The following HYDIN variants were observed in gnomAD, a reference collection of about 807,000 sequenced individuals.
HYDIN encodes the protein axonemal central pair apparatus protein HYDIN.
HYDIN carries 132 observed loss-of-function variants against 403.9 expected under a neutral mutation model. The ratio of observed to expected loss-of-function variants is 0.33; its 90% CI spans 0.28 to 0.38. HYDIN has a LOEUF of 0.38. HYDIN is among the 10% of genes least tolerant of loss of function. HYDIN has a pLI of 1.00. For synonymous variants in HYDIN, 1,202 were observed against 1,891.7 expected (o/e 0.64, Z 9.46); for missense variants, 2,827 against 5,009.5 (o/e 0.56, Z 13.15).
chr16:71,208,056 A>G (rs1370252197), intron 1 of HYDIN, among the ~76,000 whole-genome samples: 1 of 152,192 alleles, frequency 6.6e-6, no homozygotes, highest in African/African-American at 2.4e-5. Context: ...ACTCAACACT[A>G]GATCAAATGG....
At chr16:71,135,092 G>T (rs2084864141) in intron 8 of HYDIN, among the ~76,000 whole-genome samples, 1 of 151,978 alleles carries the variant, frequency 6.6e-6, no homozygotes, top group South Asian at 2.1e-4. Context: ...AAGTCTATTA[G>T]TTAAAAGAGG....
intron 9 of HYDIN, among the ~76,000 whole-genome samples, chr16:71,122,435 T>C (rs950705298): frequency 2.3e-5 from 2 of 88,498 alleles, no homozygotes; most frequent in East Asian, 6.2e-4. Context: ...CAAGGCCAGT[T>C]TGCTCTCAGC....
chr16:71,141,411 G>C (rs1388431476), intron 7 of HYDIN, among the ~76,000 whole-genome samples: 7 of 151,430 alleles, frequency 4.6e-5, no homozygotes, highest in Non-Finnish European at 8.8e-5. Context: ...CTTTAGAGAG[G>C]GAAAAGTTTC....
chr16:71,021,954 G>A (rs932328543), intron 21 of HYDIN, among the ~76,000 whole-genome samples: 2 of 151,946 alleles, frequency 1.3e-5, no homozygotes, highest in African/African-American at 2.4e-5. Context: ...GTCTCCCTGT[G>A]CACTCCCAGG....
chr16:71,146,122 T>C (rs1307703865), intron 7 of HYDIN, among the ~76,000 whole-genome samples: 1 of 152,160 alleles, frequency 6.6e-6, no homozygotes, highest in Non-Finnish European at 1.5e-5. Context: ...AAGAATGAGA[T>C]AAAGATGAAA....
chr16:70,846,880 T>A lies in HYDIN; in HGVS notation c.12873+2846A>T, dbSNP rs1232903792. 3.8e-3 allele frequency among the ~76,000 whole-genome samples: 454 copies of A among 119,370 alleles called. 2 individuals are homozygous for A. Among genetic ancestry groups the A allele is most frequent in the Non-Finnish European group, 5.8e-3 (336 of 57,774 alleles). 78.3% of individuals were successfully genotyped at this position (119,370 alleles called of 152,430 possible). The stretch of plus-strand genomic sequence containing the variant: ...GGATTGCAACCCCTGCCTTTTTTTG[T>A]TTTCCATTGGCTTGGTAGATCTTCC... On this transcript the variant is annotated intron_variant, in intron 75 of 85. Transcript: ENST00000393567.
Position 70,868,731 on chromosome 16 carries a change from C to T in HYDIN, c.11149G>A (p.Val3717Ile). The T allele has an allele frequency of 1.2e-6, 2 of 1,613,998 alleles. No individual in the cohort carries two copies. Among genetic ancestry groups the T allele is most frequent in the Non-Finnish European group, 1.7e-6 (2 of 1,179,996 alleles). ...CGCATATTCTTTAGGTTGATGGGTA[C>T]ATCTGACTTCATGGTCACCACTATG... ...KDIVVTMKSD[V>I]PINLKNMRIR... Residue 3717 changes from valine to isoleucine, a missense_variant, in exon 66 of 86, where the codon GTA becomes ATA. Transcript: ENST00000393567.
chr16:70,989,042 C>A (rs1293376503), intron 25 of HYDIN, among the ~76,000 whole-genome samples: 4 of 151,952 alleles, frequency 2.6e-5, no homozygotes, highest in Non-Finnish European at 4.4e-5. Flanking sequence ...TATATGTACA[C>A]ACATGTACAT....
At chr16:70,835,259 G>A (rs1212655087) in intron 78 of HYDIN, among the ~76,000 whole-genome samples, 1 of 151,910 alleles carries the variant, frequency 6.6e-6, no homozygotes, top group Non-Finnish European at 1.5e-5. Context: ...GCCTCCCAAA[G>A]TGTTGGGATT....
chr16:70,878,786 A>G lies in HYDIN; in HGVS notation c.10557+511T>C, dbSNP rs1425174437. ...TGAGCCCTGTTCAAACGTCATTTAC[A>G]GTGAATTTTCCCTTCATTGTCTAGA... is the stretch of plus-strand genomic sequence containing the variant. On this transcript the variant is annotated intron_variant, in intron 62 of 85. Transcript: ENST00000393567. Among the ~76,000 whole-genome samples, 3 of 139,550 alleles carry G rather than the reference A, an allele frequency of 2.1e-5. No homozygotes were observed. In the East Asian group the frequency reaches 6.2e-4, roughly 29 times the overall value. 91.6% of individuals were successfully genotyped at this position (139,550 alleles called of 152,430 possible).
chr16:70,882,963 T>G, intron 59 of HYDIN, 68 bp from the exon 60 acceptor site: 1 of 1,267,094 alleles, frequency 7.9e-7, no homozygotes, highest in South Asian at 1.2e-5. Flanking sequence ...GATTCCTAAT[T>G]TGGAACTCTG....
intron 45 of HYDIN, among the ~76,000 whole-genome samples, chr16:70,932,566 C>T (rs1312050993): frequency 6.6e-6 from 1 of 150,574 alleles, no homozygotes; most frequent in Non-Finnish European, 1.5e-5. Context: ...GCTAAGAAGA[C>T]AGGGAAGGGG....
At chr16:70,908,573 C>T (rs1437521617) in intron 48 of HYDIN, 80 bp downstream of exon 48, 40 of 1,504,298 alleles carry the variant, frequency 2.7e-5, no homozygotes, top group Non-Finnish European at 3.3e-5. Context: ...CAGCTCTGTT[C>T]CCCTCCAGTG....
chr16:70,981,693 G>T, intron 28 of HYDIN, 125 bp from the exon 29 acceptor site: 3 of 1,344,730 alleles, frequency 2.2e-6, no homozygotes, highest in Non-Finnish European at 2.9e-6. Flanking sequence ...AAAGGAGTAA[G>T]AGATTTAATG....
At chr16:71,174,133 C>G (rs2086572033) in intron 5 of HYDIN, among the ~76,000 whole-genome samples, 1 of 152,054 alleles carries the variant, frequency 6.6e-6, no homozygotes, top group South Asian at 2.1e-4. Flanking sequence ...TTCAGTAGAA[C>G]CTCAAACAAA....
At chr16:70,927,905 G>C (rs112904817) in intron 45 of HYDIN, among the ~76,000 whole-genome samples, 3 of 151,348 alleles carry the variant, frequency 2.0e-5, no homozygotes, top group African/African-American at 7.3e-5. Flanking sequence ...AAGACATTTC[G>C]GACAAGCAAA....
At chr16:70,944,838 C>T (rs181187128) in intron 41 of HYDIN, among the ~76,000 whole-genome samples, 185 of 152,258 alleles carry the variant, frequency 1.2e-3, no homozygotes, top group Admixed American at 2.3e-3. Flanking sequence ...CTGCAACCTC[C>T]GCCTCTCGGG....
At chr16:71,163,617 T>C (rs1288199829) in intron 5 of HYDIN, among the ~76,000 whole-genome samples, 2 of 152,158 alleles carry the variant, frequency 1.3e-5, no homozygotes, top group African/African-American at 4.8e-5. Context: ...ACCCTGCCAA[T>C]GGCATGTGAA....
chr16:71,098,042 T>C lies in HYDIN; in HGVS notation c.1328-4107A>G, dbSNP rs572623540. Reference sequence around the variant, plus strand: ...TAGTGCTTGGCAACACAGTGGTCATTAGACAAGCATTACTTTGATTATAAG... The same window carrying C: ...TAGTGCTTGGCAACACAGTGGTCATCAGACAAGCATTACTTTGATTATAAG... On this transcript the variant is annotated intron_variant, in intron 10 of 85. Coordinates refer to ENST00000393567, the MANE Select transcript of HYDIN (RefSeq NM_001270974.2). Among the ~76,000 whole-genome samples, 10 of 152,190 alleles carry C rather than the reference T, an allele frequency of 6.6e-5. No individual in the cohort carries two copies. In the South Asian group the frequency reaches 2.1e-3, roughly 32 times the overall value.
Sources: allele counts gnomAD v4.1 joint callset (sites outside exome capture counted in the v4.1 genomes callset), GRCh38; gene constraint gnomAD v4.1.1; transcripts MANE v1.5; gene names NCBI Gene and HGNC (gene_info 2026-07-23, HGNC 2026-07-21).